NCOA1: variants seen among roughly 807,000 people sequenced by gnomAD.
The protein encoded by NCOA1 is Hin-2 protein.
In NCOA1, 35 loss-of-function variants were observed where a neutral mutation model predicts 150.9. That is an observed-to-expected ratio of 0.23 (90% CI 0.18 to 0.31). NCOA1 has a LOEUF of 0.31. Ranked by LOEUF, NCOA1 falls within the 10% of genes least tolerant of loss-of-function variation. NCOA1 has a pLI of 1.00. For missense variants in NCOA1, 1,491 were observed against 1,749.3 expected (o/e 0.85, Z 2.63); for synonymous variants, 590 against 630.0 (o/e 0.94, Z 0.95).
At chr2:24,530,803 A>T (rs1168182678) in intron 1 of NCOA1, among the ~76,000 whole-genome samples, 3 of 152,218 alleles carry the variant, frequency 2.0e-5, no homozygotes, top group Non-Finnish European at 4.4e-5. Flanking sequence ...GAGTGAGGAG[A>T]TGAAAATATA....
intron 8 of NCOA1, among the ~76,000 whole-genome samples, chr2:24,684,441 G>A (rs575837991): frequency 6.6e-6 from 1 of 152,184 alleles, no homozygotes; most frequent in East Asian, 1.9e-4. Context: ...TGGTTCTCAG[G>A]ATGCTGTAGA....
intron 1 of NCOA1, among the ~76,000 whole-genome samples, chr2:24,536,532 G>C (rs1428972163): frequency 6.6e-6 from 1 of 152,140 alleles, no homozygotes; most frequent in African/African-American, 2.4e-5. Flanking sequence ...AAGAAGAGTC[G>C]CTCTGGTTTT....
At chr2:24,639,917 T>C (rs1262973051) in intron 3 of NCOA1, among the ~76,000 whole-genome samples, 6 of 2,134 alleles carry the variant, frequency 2.8e-3, no homozygotes, top group African/African-American at 0.01. Context: ...TGTGTGTGTG[T>C]ATATATATAT....
intron 7 of NCOA1, among the ~76,000 whole-genome samples, chr2:24,679,131 G>A (rs1406796301): frequency 6.6e-6 from 1 of 152,176 alleles, no homozygotes; most frequent in Admixed American, 6.5e-5. Flanking sequence ...GACACACGGT[G>A]GTCTTCTTCA....
intron 6 of NCOA1, among the ~76,000 whole-genome samples, chr2:24,671,843 C>T (rs537924301): frequency 8.2e-4 from 125 of 152,266 alleles, no homozygotes; most frequent in African/African-American, 2.9e-3. Context: ...GGATTACAGA[C>T]GTGAGCCACC....
chr2:24,618,689 C>G (rs1304704857), intron 3 of NCOA1, among the ~76,000 whole-genome samples: 4 of 152,106 alleles, frequency 2.6e-5, no homozygotes, highest in Non-Finnish European at 5.9e-5. Context: ...AACTGCCATA[C>G]CTTGCCCTTG....
rs1254623817 is a variant in NCOA1, at chr2:24,768,781, A to G, written c.*390A>G. ...GCTCCGCCTCCGCCGCTTAGTCCCA[A>G]CCCTGCCCAGGAAGAAGGGCCCGTG... On this transcript the variant is annotated 3_prime_UTR_variant, in exon 23 of 23. Transcript: ENST00000348332. 2 of 226,648 alleles carry G rather than the reference A, an allele frequency of 8.8e-6. No individual in the cohort carries two copies. Among genetic ancestry groups the G allele is most frequent in the African/African-American group, 4.5e-5 (2 of 44,816 alleles). 14.0% of individuals were successfully genotyped at this position (226,648 alleles called of 1,614,324 possible). A position where few individuals can be genotyped will look rare whatever the true frequency, so the allele number is the denominator to read the frequency against.
intron 4 of NCOA1, among the ~76,000 whole-genome samples, chr2:24,658,396 C>A (rs1671037120): frequency 6.6e-6 from 1 of 152,200 alleles, no homozygotes; most frequent in Middle Eastern, 3.4e-3. Context: ...ATTATTCTAA[C>A]CATGTTTTCA....
At chr2:24,686,873 A>G (rs927598845) in intron 8 of NCOA1, among the ~76,000 whole-genome samples, 5 of 152,196 alleles carry the variant, frequency 3.3e-5, no homozygotes, top group African/African-American at 9.7e-5. Flanking sequence ...AGATAATGAT[A>G]GTTGACATGT....
At chr2:24,558,345 G>A (rs560710683) in intron 1 of NCOA1, among the ~76,000 whole-genome samples, 3 of 152,260 alleles carry the variant, frequency 2.0e-5, no homozygotes, top group South Asian at 2.1e-4. Context: ...AGACATACCC[G>A]AGACTGGGAA....
chr2:24,633,557 A>C (rs1343917299), intron 3 of NCOA1, among the ~76,000 whole-genome samples: 1 of 152,202 alleles, frequency 6.6e-6, no homozygotes, highest in Non-Finnish European at 1.5e-5. Flanking sequence ...AAAGAGACCA[A>C]TACTCATTTA....
At chr2:24,743,085 T>A (rs1663694738) in intron 19 of NCOA1, among the ~76,000 whole-genome samples, 3 of 152,252 alleles carry the variant, frequency 2.0e-5, no homozygotes, top group African/African-American at 7.2e-5. Flanking sequence ...TGATAGGTAG[T>A]GGCAGTGATG....
At chr2:24,721,417 G>A (rs1674352963) in intron 14 of NCOA1, among the ~76,000 whole-genome samples, 1 of 152,088 alleles carries the variant, frequency 6.6e-6, no homozygotes, top group South Asian at 2.1e-4. Flanking sequence ...TATTGAAAAA[G>A]ATCTAGAATT....
At chr2:24,508,714 A>T (rs1447492937) in intron 1 of NCOA1, among the ~76,000 whole-genome samples, 2 of 152,098 alleles carry the variant, frequency 1.3e-5, no homozygotes, top group Non-Finnish European at 2.9e-5. Context: ...GTTTGGTTAA[A>T]CATGTTGCTC....
At chr2:24,529,761 A>G (rs749574034) in intron 1 of NCOA1, among the ~76,000 whole-genome samples, 13 of 152,214 alleles carry the variant, frequency 8.5e-5, no homozygotes, top group Non-Finnish European at 1.6e-4. Context: ...TCTCTTTAGT[A>G]CTGGCATAAT....
At chr2:24,528,438 T>C (rs1664740930) in intron 1 of NCOA1, among the ~76,000 whole-genome samples, 1 of 151,650 alleles carries the variant, frequency 6.6e-6, no homozygotes, top group African/African-American at 2.4e-5. Context: ...CCACAATCTT[T>C]TGGGCTCAAG....
Position 24,752,035 on chromosome 2 carries a change from T to C in NCOA1, c.3760T>C (p.Ser1254Pro), listed in dbSNP as rs1664273728. The change falls in exon 20 of 23, where the codon TCC (serine) becomes CCC (proline). Residue 1254 changes from serine (S) to proline (P), a missense_variant. Physicochemically the swap from Ser to Pro is moderately conservative, Grantham distance 74 (BLOSUM62 -1). Transcript: ENST00000348332. ...TGCTCCATCTCTAAGCCCTGGGAGCTCCATGGTGCCGATGCCAATCCCTCC... is the reference window on the plus strand; with the variant it reads ...TGCTCCATCTCTAAGCCCTGGGAGCCCCATGGTGCCGATGCCAATCCCTCC... ...NFAPSLSPGS[S>P]MVPMPIPPPQ... 1.9e-6 allele frequency: 3 copies of C among 1,614,088 alleles called. No individual in the cohort carries two copies. The highest frequency in any genetic ancestry group is 1.1e-5 in the South Asian group (1 of 91,072).
intron 19 of NCOA1, among the ~76,000 whole-genome samples, chr2:24,747,646 AAATT>A (rs752911753): frequency 6.6e-6 from 1 of 152,188 alleles, no homozygotes; most frequent in Non-Finnish European, 1.5e-5. Flanking sequence ...CTTCTAAAAG[AAATT>A]AATTTCATCA....
intron 3 of NCOA1, among the ~76,000 whole-genome samples, chr2:24,617,321 TC>T (rs898198889): frequency 6.6e-6 from 1 of 152,136 alleles, no homozygotes; most frequent in African/African-American, 2.4e-5. Flanking sequence ...CAAAAATCCT[TC>T]TCGAAACTGA....
Sources: gnomAD v4.1 joint callset for allele counts (sites outside exome capture counted in the v4.1 genomes callset) on GRCh38, gnomAD v4.1.1 for gene constraint, MANE v1.5 for transcripts, NCBI Gene and HGNC (gene_info 2026-07-23, HGNC 2026-07-21) for gene names.